ILF2: variants seen among roughly 807,000 people sequenced by gnomAD.
The protein encoded by ILF2 is interleukin enhancer-binding factor 2.
In ILF2, 9 loss-of-function variants were observed where a neutral mutation model predicts 55.3. That is an observed-to-expected ratio of 0.16 (90% CI 0.10 to 0.28). The LOEUF (loss-of-function observed/expected upper bound fraction) is 0.28, where lower values mean the gene tolerates loss of function less well. Ranked by LOEUF, ILF2 falls within the 10% of genes least tolerant of loss-of-function variation. The pLI is 1.00. For missense variants in ILF2, 266 were observed against 474.9 expected, an observed-to-expected ratio of 0.56 and a Z score of 4.09; for synonymous variants, 151 against 161.8, an observed-to-expected ratio of 0.93 and a Z score of 0.50.
intron 1 of ILF2, 26 bp from the exon 2 acceptor site, chr1:153,670,256 C>A: frequency 6.2e-7 from 1 of 1,612,478 alleles, no homozygotes; most frequent in South Asian, 1.1e-5. Flanking sequence ...TTATTTTGAC[C>A]TCATTGAAGG....
rs1669278523 is a variant in ILF2, at chr1:153,665,292, A to C, written c.505T>G (p.Ser169Ala). Residue 169 changes from serine to alanine, a missense_variant, in exon 8 of 14, where the codon TCT becomes GCT. Coordinates refer to ENST00000361891, the MANE Select transcript of ILF2 (RefSeq NM_004515.4). Reference protein sequence around the residue: ...TNETGFEISSSDATVKILITT... With the variant: ...TNETGFEISSADATVKILITT... ...ATGAGAATCTTCACTGTAGCATCAG[A>C]AGAACTGATTTCAAAGCCAGTTTCG... is the stretch of plus-strand genomic sequence containing the variant. The C allele has an allele frequency of 2.5e-6, 4 of 1,613,882 alleles. No homozygotes were observed.
At chr1:153,668,610 G>A in intron 3 of ILF2, 53 bp from the exon 4 acceptor site, 1 of 1,540,134 alleles carries the variant, frequency 6.5e-7, no homozygotes, top group South Asian at 1.2e-5. Context: ...ATATACAGGA[G>A]AGATTGTTTT....
Position 153,661,994 on chromosome 1 carries a change from A to AAAAC in ILF2, c.*398_*401dup, listed in dbSNP as rs574555392. 216 of 158,820 alleles carry AAAAC rather than the reference A, an allele frequency of 1.4e-3. 1 individual carries two copies. Among genetic ancestry groups the AAAAC allele is most frequent in the Non-Finnish European group, 2.1e-3 (152 of 72,090 alleles). 9.8% of individuals were successfully genotyped at this position (158,820 alleles called of 1,614,324 possible). A position where few individuals can be genotyped will look rare whatever the true frequency, so the allele number is the denominator to read the frequency against. ...AGCAAAAAAGGTTGCCACATGCAAA[A>AAAAC]AAACAAACAAACAAAAAACACCAAC... On this transcript the variant is annotated 3_prime_UTR_variant, in exon 14 of 14. Coordinates refer to ENST00000361891, the MANE Select transcript of ILF2 (RefSeq NM_004515.4).
Position 153,668,480 on chromosome 1 carries a change from C to T in ILF2, c.186G>A (p.Gln62=), listed in dbSNP as rs1376385560. The change falls in exon 4 of 14, where the codon CAG becomes CAA. Residue 62 remains glutamine (Q), a synonymous_variant. Transcript: ENST00000361891. ...GTTCAGCAGAATTGGGAGCCAGGTC[C>T]TGATTCCTCTTCAGCAAGGCCTCAC... ...SFSEALLKRN[Q]DLAPNSAEQA... The T allele has an allele frequency of 1.2e-6, 2 of 1,614,202 alleles. No homozygotes were observed. Among genetic ancestry groups the T allele is most frequent in the Non-Finnish European group, 1.7e-6 (2 of 1,180,028 alleles).
chr1:153,670,285 C>A (rs1669410471), intron 1 of ILF2, 55 bp from the exon 2 acceptor site: 2 of 1,574,944 alleles, frequency 1.3e-6, no homozygotes, highest in Admixed American at 3.4e-5. Flanking sequence ...CCGGCCATAT[C>A]ATCTTAGGTT....
intron 3 of ILF2, 92 bp from the exon 4 acceptor site, chr1:153,668,649 A>G: frequency 1.4e-6 from 2 of 1,417,616 alleles, no homozygotes; most frequent in African/African-American, 1.5e-5. Context: ...AAAAGGTTAA[A>G]AACAGAAAAT....
intron 6 of ILF2, 146 bp downstream of exon 6, chr1:153,667,409 G>A (rs1472707033): frequency 1.2e-5 from 8 of 685,750 alleles, no homozygotes; most frequent in Admixed American, 6.3e-5. Context: ...TGTAGTGGAG[G>A]TCAAGGCTGC....
chr1:153,670,877 G>A (rs1455114860), intron 1 of ILF2, 41 bp downstream of exon 1: 4 of 1,613,524 alleles, frequency 2.5e-6, no homozygotes, highest in Non-Finnish European at 2.5e-6. Flanking sequence ...AAAGTTTTCC[G>A]TCGAATACCT....
At position 153,668,434 on chromosome 1, in the gene ILF2, G is replaced by C; in HGVS notation, c.213+19C>G. On this transcript the variant is annotated intron_variant, in intron 4 of 13. Coordinates refer to ENST00000361891, the MANE Select transcript of ILF2 (RefSeq NM_004515.4). ...AACTGCTTTAGAGACATTTCTGGAAGACAGCCAAAAGAACATACCTGTTCA... is the reference window on the plus strand; with the variant it reads ...AACTGCTTTAGAGACATTTCTGGAACACAGCCAAAAGAACATACCTGTTCA... The C allele has an allele frequency of 6.2e-7, 1 of 1,613,946 alleles. No homozygotes were observed. The highest frequency in any genetic ancestry group is 8.5e-7 in the Non-Finnish European group (1 of 1,179,940).
intron 8 of ILF2, 133 bp from the exon 9 acceptor site, chr1:153,664,607 T>C (rs1242695783): frequency 5.5e-6 from 4 of 721,322 alleles, no homozygotes; most frequent in Admixed American, 2.1e-5. Flanking sequence ...CCAGGCTGGA[T>C]TGCGTACAGT....
At position 153,665,313 on chromosome 1, in the gene ILF2, T is replaced by C. The variant is rs199541601; in HGVS notation, c.484A>G (p.Thr162Ala). Residue 162 changes from threonine to alanine, a missense_variant, in exon 8 of 14, where the codon ACT becomes GCT. Coordinates refer to ENST00000361891, the MANE Select transcript of ILF2 (RefSeq NM_004515.4). The part of the protein sequence containing the change: ...SEVLTMLTNE[T>A]GFEISSSDAT... ...TCAGAAGAACTGATTTCAAAGCCAG[T>C]TTCGTTGGTCAGCATGGTTAAAACT... The C allele has an allele frequency of 3.7e-6, 6 of 1,612,546 alleles. No homozygotes were observed. In the Admixed American group the frequency reaches 8.3e-5, roughly 22 times the overall value.
chr1:153,663,413 C>T (rs1404036262), intron 10 of ILF2, 137 bp from the exon 11 acceptor site: 16 of 775,262 alleles, frequency 2.1e-5, no homozygotes, highest in Admixed American at 1.1e-4. Context: ...ACTGTAACCG[C>T]GAACTCCTGG....
rs766624984 is a variant in ILF2, at chr1:153,670,282, T to A, written c.6-52A>T. 8 of 1,581,298 alleles carry A rather than the reference T, an allele frequency of 5.1e-6. No homozygotes were observed. In the African/African-American group the frequency reaches 1.1e-4, roughly 21 times the overall value. ...TCATTGAAGGAATACCCACCGGCCA[T>A]ATCATCTTAGGTTGGCTACTTTCAT... On this transcript the variant is annotated intron_variant, in intron 1 of 13. Coordinates refer to ENST00000361891, the MANE Select transcript of ILF2 (RefSeq NM_004515.4).
chr1:153,667,407 A>AG, intron 6 of ILF2, 148 bp downstream of exon 6: 1 of 675,620 alleles, frequency 1.5e-6, no homozygotes, highest in South Asian at 1.7e-5. Context: ...GCTGTAGTGG[A>AG]GGTCAAGGCT....
rs1317403435 is a variant in ILF2 at position 153,669,845 on chromosome 1, G to A, written c.99C>T (p.Asp33=). 6.2e-7 allele frequency: 1 copy of A among 1,612,616 alleles called. No individual in the cohort carries two copies. Among genetic ancestry groups the A allele is most frequent in the African/African-American group, 1.3e-5 (1 of 74,978 alleles). ...FRPFVPHIPF[D]FYLCEMAFPR... ...AACCCAAGGTACTCACCAAATAGAA[G>A]TCAAATGGGATATGTGGTACAAAGG... The change falls in exon 3 of 14, where the codon GAC becomes GAT. Residue 33 remains aspartate, a synonymous_variant. Coordinates refer to ENST00000361891, the MANE Select transcript of ILF2 (RefSeq NM_004515.4).
In ILF2 at chr1:153,664,408, G is replaced by T; in HGVS notation, c.644C>A (p.Ala215Asp). ...IRHARWFEEN[A>D]SQSTVKVLIR... The stretch of plus-strand genomic sequence containing the variant: ...GAGAGGGACTCACGTGGACTGAGAA[G>T]CATTTTCCTCGAACCAGCGGGCATG... Residue 215 changes from alanine (A) to aspartate (D), a missense_variant, in exon 9 of 14, where the codon GCT becomes GAT. By Grantham distance (126) the Ala-to-Asp change is moderately radical. Coordinates refer to ENST00000361891, the MANE Select transcript of ILF2 (RefSeq NM_004515.4). 1 of 1,613,768 alleles carries T rather than the reference G, an allele frequency of 6.2e-7. No individual in the cohort carries two copies. Among genetic ancestry groups the T allele is most frequent in the Non-Finnish European group, 8.5e-7 (1 of 1,179,680 alleles).
At chr1:153,669,678 G>T (rs1464463998) in intron 3 of ILF2, among the ~76,000 whole-genome samples, 158 bp downstream of exon 3, 1 of 152,008 alleles carries the variant, frequency 6.6e-6, no homozygotes, top group African/African-American at 2.4e-5. Flanking sequence ...TGACCTTCAG[G>T]TAATCCATCT....
At chr1:153,666,445 C>T (rs555563409) in intron 6 of ILF2, among the ~76,000 whole-genome samples, 1 of 152,280 alleles carries the variant, frequency 6.6e-6, no homozygotes, top group African/African-American at 2.4e-5. Flanking sequence ...GGATTACAGG[C>T]GTGAGCCACT....
intron 4 of ILF2, 30 bp from the exon 5 acceptor site, chr1:153,668,107 A>G (rs1207049875): frequency 6.7e-7 from 1 of 1,488,808 alleles, no homozygotes; most frequent in East Asian, 2.3e-5. Flanking sequence ...AATACTTGAA[A>G]ATGAAAAATT....
Sources: allele counts gnomAD v4.1 joint callset (sites outside exome capture counted in the v4.1 genomes callset), GRCh38; gene constraint gnomAD v4.1.1; transcripts MANE v1.5; gene names NCBI Gene and HGNC (gene_info 2026-07-23, HGNC 2026-07-21).